The following PRIM2 variants were observed in gnomAD, a reference collection of about 807,000 sequenced individuals.
PRIM2 encodes DNA primase large subunit.
PRIM2 carries 39 observed loss-of-function variants against 67.3 expected under a neutral mutation model. The ratio of observed to expected loss-of-function variants is 0.58; its 90% CI spans 0.45 to 0.76. The LOEUF (loss-of-function observed/expected upper bound fraction) is 0.76. PRIM2 is among the 30% of genes least tolerant of loss of function. The pLI is 0.00. For synonymous variants in PRIM2, 143 were observed against 198.7 expected (o/e 0.72, Z 2.36); for missense variants, 398 against 598.7 (o/e 0.66, Z 3.50).
At chr6:57,424,354 T>C (rs1464032496) in intron 7 of PRIM2, among the ~76,000 whole-genome samples, 1 of 152,126 alleles carries the variant, frequency 6.6e-6, no homozygotes, top group Non-Finnish European at 1.5e-5. Context: ...TTAAATTTTA[T>C]CCAGGGAGAG....
chr6:57,379,088 C>A (rs1459642733), intron 5 of PRIM2, among the ~76,000 whole-genome samples: 1 of 123,836 alleles, frequency 8.1e-6, no homozygotes, highest in Non-Finnish European at 1.6e-5. Flanking sequence ...CAAAGATTGT[C>A]CTAACACTGT....
intron 7 of PRIM2, among the ~76,000 whole-genome samples, chr6:57,388,406 G>A (rs1770220688): frequency 6.6e-6 from 1 of 152,146 alleles, no homozygotes; most frequent in South Asian, 2.1e-4. Flanking sequence ...AGTTTTTAAA[G>A]TAATATTGAC....
intron 10 of PRIM2, among the ~76,000 whole-genome samples, chr6:57,595,174 A>G (rs1330113261): frequency 1.9e-3 from 282 of 152,226 alleles, no homozygotes; most frequent in African/African-American, 6.6e-3. Context: ...TAGTACAACT[A>G]CTCTGGAAAA....
chr6:57,532,539 T>G, intron 9 of PRIM2, 56 bp downstream of exon 9: 1 of 854,346 alleles, frequency 1.2e-6, no homozygotes, highest in Non-Finnish European at 1.8e-6. Flanking sequence ...AACATAGATT[T>G]TCTTAAATCA....
chr6:57,374,273 C>CTATTTATTTATTTATTTATT (rs60492288), intron 5 of PRIM2, among the ~76,000 whole-genome samples: 83 of 132,134 alleles, frequency 6.3e-4, no homozygotes, highest in Non-Finnish European at 8.9e-4. Context: ...TATAGGAATG[C>CTATTTATTTATTTATTTATT]TATTTATTTA....
the PRIM2 span, among the ~76,000 whole-genome samples, chr6:57,295,995 A>T: frequency 6.6e-6 from 1 of 152,198 alleles, no homozygotes; most frequent in African/African-American, 2.4e-5. Context: ...ATTTATAACC[A>T]TATCAATGTT....
chr6:57,642,683 C>T (rs1253101298), intron 13 of PRIM2, among the ~76,000 whole-genome samples: 34 of 151,944 alleles, frequency 2.2e-4, no homozygotes, highest in Admixed American at 3.9e-4. Flanking sequence ...CCTCGTGATC[C>T]GCCCGTCTCG....
chr6:57,446,418 C>CTTCTTTTTTTTTTTTTTTTTTTTTTTT (rs1772366659), intron 7 of PRIM2, among the ~76,000 whole-genome samples: 1 of 83,814 alleles, frequency 1.2e-5, no homozygotes, highest in African/African-American at 4.9e-5. Flanking sequence ...CACGCCACTT[C>CTTCTTTTTTTTTTTTTTTTTTTTTTTT]TTTTTTTTTT....
intron 8 of PRIM2, among the ~76,000 whole-genome samples, chr6:57,518,219 A>G (rs1265415655): frequency 7.2e-5 from 11 of 152,324 alleles, no homozygotes; most frequent in Admixed American, 1.3e-4. Flanking sequence ...CATACATACA[A>G]TCTACCAGGA....
At chr6:57,326,585 G>C (rs973407508) in intron 5 of PRIM2, among the ~76,000 whole-genome samples, 4 of 151,954 alleles carry the variant, frequency 2.6e-5, no homozygotes, top group African/African-American at 9.7e-5. Context: ...GCCAGGCATG[G>C]TGCTGCGCGT....
chr6:57,407,462 G>A (rs1770929343), intron 7 of PRIM2, among the ~76,000 whole-genome samples: 2 of 150,810 alleles, frequency 1.3e-5, no homozygotes. Flanking sequence ...TTTCCAGTGT[G>A]GGTTTTTTTT....
At chr6:57,509,413 A>G (rs1454995021) in intron 8 of PRIM2, among the ~76,000 whole-genome samples, 2 of 152,118 alleles carry the variant, frequency 1.3e-5, no homozygotes, top group Non-Finnish European at 1.5e-5. Flanking sequence ...TCTGTTGGCA[A>G]TTTTATCTCT....
chr6:57,270,365 T>C, the PRIM2 span, among the ~76,000 whole-genome samples: 3 of 152,244 alleles, frequency 2.0e-5, no homozygotes, highest in Non-Finnish European at 4.4e-5. Context: ...TAAGTTGGAT[T>C]CCTAGGTAAT....
rs1775273179 is a variant in PRIM2 at position 57,545,604 on chromosome 6, T to A, written c.1020+7979T>A. Among the ~76,000 whole-genome samples the A allele has an allele frequency of 2.0e-5, 3 of 152,024 alleles. No individual in the cohort carries two copies. The South Asian group carries it at 6.2e-4, about 32-fold the overall frequency. On this transcript the variant is annotated intron_variant, in intron 10 of 13. Coordinates refer to ENST00000615550, the MANE Select transcript of PRIM2 (RefSeq NM_000947.5). ...TGCCACCAGGCCCGGCTAATTTTTT[T>A]TGTATTTTTAGTAGAGGTGGGGTTT...
At chr6:57,585,104 AT>A (rs1490768110) in intron 10 of PRIM2, among the ~76,000 whole-genome samples, 1 of 152,184 alleles carries the variant, frequency 6.6e-6, no homozygotes, top group Admixed American at 6.6e-5. Flanking sequence ...TGCTTAACTG[AT>A]TTTTTTAAGC....
chr6:57,314,931 A>T (rs532982331), upstream of PRIM2: 3 of 152,338 alleles, frequency 2.0e-5, no homozygotes, highest in South Asian at 6.2e-4. Context: ...GTAGTGACCA[A>T]AACTGTGGCA....
intron 7 of PRIM2, among the ~76,000 whole-genome samples, chr6:57,499,288 A>G (rs1459493520): frequency 2.6e-5 from 4 of 152,202 alleles, no homozygotes; most frequent in African/African-American, 7.2e-5. Flanking sequence ...AGACATTTCA[A>G]TATGTACTGT....
chr6:57,303,614 A>G, the PRIM2 span, among the ~76,000 whole-genome samples: 1 of 151,990 alleles, frequency 6.6e-6, no homozygotes, highest in East Asian at 1.9e-4. Flanking sequence ...CAATTAATTA[A>G]TTAATTAATT....
At chr6:57,298,563 TG>T in the PRIM2 span, among the ~76,000 whole-genome samples, 10 of 151,916 alleles carry the variant, frequency 6.6e-5, no homozygotes, top group Non-Finnish European at 2.9e-5. Context: ...TGAAGGGGGT[TG>T]CATGTCACAA....
Sources: allele counts gnomAD v4.1 joint callset (sites outside exome capture counted in the v4.1 genomes callset), GRCh38; gene constraint gnomAD v4.1.1; transcripts MANE v1.5; gene names NCBI Gene and HGNC (gene_info 2026-07-23, HGNC 2026-07-21).